The following FAM135B variants were observed in gnomAD, a reference collection of about 807,000 sequenced individuals.
The protein encoded by FAM135B is protein FAM135B.
In FAM135B, 43 loss-of-function variants were observed where a neutral mutation model predicts 127.7. The ratio of observed to expected loss-of-function variants is 0.34; its 90% CI spans 0.26 to 0.43. The LOEUF is 0.43. Among genes scored for constraint, FAM135B ranks in the 20% least tolerant of loss-of-function variants. FAM135B has a pLI of 1.00. For missense variants in FAM135B, 1,558 were observed against 1,725.6 expected, an observed-to-expected ratio of 0.90 and a Z score of 1.72; for synonymous variants, 670 against 665.1, an observed-to-expected ratio of 1.01 and a Z score of -0.11.
chr8:138,185,907 T>C lies in FAM135B; in HGVS notation c.874-7217A>G, dbSNP rs979439565. Among the ~76,000 whole-genome samples, 12 of 151,836 alleles carry C rather than the reference T, an allele frequency of 7.9e-5. No individual in the cohort carries two copies. In the East Asian group the frequency reaches 1.7e-3, roughly 22 times the overall value. On this transcript the variant is annotated intron_variant, in intron 9 of 19. Transcript: ENST00000395297. Reference sequence around the variant, plus strand: ...TCCTAATCAGGCTTCACAGCAGGGGTCTTCACCAACTGCTCCAACTCCCCT... The same window carrying C: ...TCCTAATCAGGCTTCACAGCAGGGGCCTTCACCAACTGCTCCAACTCCCCT...
intron 1 of FAM135B, among the ~76,000 whole-genome samples, chr8:138,408,705 G>C (rs1833677090): frequency 6.6e-6 from 1 of 152,154 alleles, no homozygotes; most frequent in South Asian, 2.1e-4. Flanking sequence ...GCAGGAGAGA[G>C]AGCAAGAGCA....
At chr8:138,206,778 C>A (rs1817702527) in intron 7 of FAM135B, among the ~76,000 whole-genome samples, 1 of 150,600 alleles carries the variant, frequency 6.6e-6, no homozygotes, top group African/African-American at 2.4e-5. Context: ...TCCAGCATCC[C>A]CTCCACCTAC....
At chr8:138,438,637 G>A (rs1835595812) in intron 1 of FAM135B, 1 of 152,190 alleles carries the variant, frequency 6.6e-6, no homozygotes, top group Non-Finnish European at 1.5e-5. Flanking sequence ...CAAGGAACAA[G>A]AGAGGGATCA....
intron 3 of FAM135B, among the ~76,000 whole-genome samples, chr8:138,292,445 CA>C (rs1482922560): frequency 6.6e-6 from 1 of 151,966 alleles, no homozygotes; most frequent in Admixed American, 6.6e-5. Flanking sequence ...CAAAAGACCT[CA>C]AATAGCCAAA....
At chr8:138,246,720 T>A (rs1022640979) in intron 6 of FAM135B, among the ~76,000 whole-genome samples, 2 of 152,156 alleles carry the variant, frequency 1.3e-5, no homozygotes, top group African/African-American at 4.8e-5. Flanking sequence ...AATGGAGCTA[T>A]GAGAAGAGGG....
At chr8:138,410,754 A>G (rs1184698851) in intron 1 of FAM135B, among the ~76,000 whole-genome samples, 1 of 152,144 alleles carries the variant, frequency 6.6e-6, no homozygotes, top group Non-Finnish European at 1.5e-5. Context: ...AAACAGAACT[A>G]CCATTCTACC....
intron 1 of FAM135B, among the ~76,000 whole-genome samples, chr8:138,370,655 T>C (rs1831056267): frequency 6.6e-6 from 1 of 152,112 alleles, no homozygotes; most frequent in African/African-American, 2.4e-5. Flanking sequence ...CTTCACTGTG[T>C]TAGCCAGGAT....
chr8:138,388,096 C>G (rs1832326261), intron 1 of FAM135B, among the ~76,000 whole-genome samples: 1 of 152,022 alleles, frequency 6.6e-6, no homozygotes, highest in Non-Finnish European at 1.5e-5. Context: ...CCTTAACAAA[C>G]CCCTCAGCAC....
In FAM135B at chr8:138,143,038, C is replaced by T. The variant is rs544489806; in HGVS notation, c.3612G>A (p.Leu1204=). 8.7e-6 allele frequency: 14 copies of T among 1,604,942 alleles called. No homozygotes were observed. The highest frequency in any genetic ancestry group is 7.7e-5 in the South Asian group (7 of 90,926). The change falls in exon 16 of 20, where the codon TTG becomes TTA. Residue 1204 remains leucine (L), a synonymous_variant. Coordinates refer to ENST00000395297, the MANE Select transcript of FAM135B (RefSeq NM_015912.4). ...LLDEIIQHIQ[L]YNLSISRISF... is the part of the protein sequence containing the mutation. ...TAATTCGGGATATGGAGAGGTTGTACAACTGAATGTGTTGAATGATTTCAT... is the reference window on the plus strand; with the variant it reads ...TAATTCGGGATATGGAGAGGTTGTATAACTGAATGTGTTGAATGATTTCAT...
chr8:138,286,736 T>C (rs1417286226), intron 3 of FAM135B, among the ~76,000 whole-genome samples: 1 of 152,184 alleles, frequency 6.6e-6, no homozygotes, highest in African/African-American at 2.4e-5. Context: ...TCTGTGTGTT[T>C]GAAACATGTC....
At chr8:138,318,857 T>A (rs1827259529) in intron 2 of FAM135B, among the ~76,000 whole-genome samples, 1 of 152,212 alleles carries the variant, frequency 6.6e-6, no homozygotes, top group East Asian at 1.9e-4. Flanking sequence ...CTGTCCTGAT[T>A]AAACAGAATG....
rs745735545 is a variant in FAM135B at position 138,143,378 on chromosome 8, C to A, written c.3541-269G>T. Among the ~76,000 whole-genome samples the A allele has an allele frequency of 2.0e-5, 3 of 152,302 alleles. No individual in the cohort carries two copies. The East Asian group carries it at 5.8e-4, about 29-fold the overall frequency. ...GCTTGTGGTGCCGACTGCCACACCA[C>A]GTGCCTGGCGTGTCAGCGTGACACT... On this transcript the variant is annotated intron_variant, in intron 15 of 19. Coordinates refer to ENST00000395297, the MANE Select transcript of FAM135B (RefSeq NM_015912.4).
At chr8:138,421,340 A>T (rs908754974) in intron 1 of FAM135B, among the ~76,000 whole-genome samples, 4 of 152,160 alleles carry the variant, frequency 2.6e-5, no homozygotes, top group Non-Finnish European at 5.9e-5. Context: ...AATAGGGAAA[A>T]GGTAAGACAA....
intron 1 of FAM135B, among the ~76,000 whole-genome samples, chr8:138,410,431 T>G (rs1833796737): frequency 6.6e-6 from 1 of 152,144 alleles, no homozygotes; most frequent in African/African-American, 2.4e-5. Flanking sequence ...TAAACTGCCT[T>G]ATGGAACTGG....
At chr8:138,452,617 C>T (rs1425428924) in intron 1 of FAM135B, among the ~76,000 whole-genome samples, 1 of 152,142 alleles carries the variant, frequency 6.6e-6, no homozygotes, top group Non-Finnish European at 1.5e-5. Flanking sequence ...TATGTAAATA[C>T]TCAGCAATTA....
At chr8:138,332,857 T>C (rs574546473) in intron 2 of FAM135B, among the ~76,000 whole-genome samples, 111 of 151,518 alleles carry the variant, frequency 7.3e-4, no homozygotes, top group Non-Finnish European at 1.4e-3. Context: ...CTTCAGGGAG[T>C]TGGTGGAAGT....
In FAM135B at chr8:138,152,545, G is replaced by A. The variant is rs780286476; in HGVS notation, c.1930C>T (p.Leu644=). Residue 644 remains leucine (L), a synonymous_variant, in exon 13 of 20, where the codon CTA becomes TTA. Coordinates refer to ENST00000395297, the MANE Select transcript of FAM135B (RefSeq NM_015912.4). ...KLTPSEPCDP[L]SSTLREPLDI... ...AAGGGCTCCCTCAGGGTAGAACTTA[G>A]TGGATCACAGGGCTCAGAGGGGGTG... 4.3e-6 allele frequency: 7 copies of A among 1,614,080 alleles called. No individual in the cohort carries two copies. The Admixed American group carries it at 1.2e-4, about 27-fold the overall frequency.
At chr8:138,206,408 TCGTCCCCTCCACCTACACACAGC>T (rs1817613731) in intron 7 of FAM135B, among the ~76,000 whole-genome samples, 23 of 143,678 alleles carry the variant, frequency 1.6e-4, no homozygotes, top group South Asian at 2.3e-4. Flanking sequence ...CACAGCTCTA[TCGTCCCCTCCACCTACACACAGC>T]TCTATCATCC....
intron 11 of FAM135B, among the ~76,000 whole-genome samples, chr8:138,171,975 T>A (rs781127971): frequency 1.3e-5 from 2 of 152,154 alleles, no homozygotes; most frequent in African/African-American, 2.4e-5. Flanking sequence ...TGTAGCTGGG[T>A]GCATGCATGG....
Sources: gnomAD v4.1 joint callset for allele counts (sites outside exome capture counted in the v4.1 genomes callset) on GRCh38, gnomAD v4.1.1 for gene constraint, MANE v1.5 for transcripts, NCBI Gene and HGNC (gene_info 2026-07-23, HGNC 2026-07-21) for gene names.